Variants in IGF2BP3 observed in about 807,000 individuals in gnomAD.
IGF2BP3 encodes the protein insulin like growth factor 2 mRNA binding protein 3.
IGF2BP3 carries 9 observed loss-of-function variants against 73.8 expected under a neutral mutation model. The observed-to-expected ratio is 0.12, with a 90% confidence interval of 0.07 to 0.21. The LOEUF (loss-of-function observed/expected upper bound fraction) is 0.21, where lower values mean the gene tolerates loss of function less well. IGF2BP3 is among the 10% of genes least tolerant of loss of function. The probability of loss-of-function intolerance (pLI) is 1.00; values close to 1 mark genes in which losing one functional copy is unlikely to be tolerated. For missense variants in IGF2BP3, 542 were observed against 714.0 expected (o/e 0.76, Z 2.75); for synonymous variants, 258 against 256.7 (o/e 1.01, Z -0.05).
intron 2 of IGF2BP3, among the ~76,000 whole-genome samples, chr7:23,428,729 G>GAA (rs1191413300): frequency 7.0e-6 from 1 of 143,816 alleles, no homozygotes; most frequent in African/African-American, 2.6e-5. Context: ...TTTTTTAGGG[G>GAA]GAAAAAAAAA....
chr7:23,454,734 G>A (rs1788276604), intron 2 of IGF2BP3, among the ~76,000 whole-genome samples: 2 of 152,178 alleles, frequency 1.3e-5, no homozygotes, highest in African/African-American at 4.8e-5. Context: ...TTACCACTGT[G>A]CTGTACTGCT....
intron 3 of IGF2BP3, among the ~76,000 whole-genome samples, chr7:23,393,359 G>C (rs550175441): frequency 6.6e-6 from 1 of 152,286 alleles, no homozygotes; most frequent in South Asian, 2.1e-4. Flanking sequence ...AATCGTAACC[G>C]ATGATCATCT....
chr7:23,468,672 G>A, intron 1 of IGF2BP3, 130 bp from the exon 2 acceptor site: 1 of 868,724 alleles, frequency 1.2e-6, no homozygotes, highest in Non-Finnish European at 1.9e-6. Flanking sequence ...GCCCGGACGC[G>A]GCTCCAGGCG....
rs1230944532 is a variant in IGF2BP3, at chr7:23,468,393, G to C, written c.236+89C>G. The C allele has an allele frequency of 3.0e-6, 4 of 1,321,234 alleles. No individual in the cohort carries two copies. The Admixed American group carries it at 6.7e-5, about 22-fold the overall frequency. 81.8% of individuals were successfully genotyped at this position (1,321,234 alleles called of 1,614,324 possible). Reference sequence around the variant, plus strand: ...CACCACGCCACACGGCAGGGGGTAAGCACCAGAGGACAAGAAGTTCTCAGC... The same window carrying C: ...CACCACGCCACACGGCAGGGGGTAACCACCAGAGGACAAGAAGTTCTCAGC... On this transcript the variant is annotated intron_variant, in intron 2 of 14. Coordinates refer to ENST00000258729, the MANE Select transcript of IGF2BP3 (RefSeq NM_006547.3).
rs529875058 is a variant in IGF2BP3 at position 23,352,856 on chromosome 7, C to A, written c.402-1270G>T. Among the ~76,000 whole-genome samples, 4 of 152,098 alleles carry A rather than the reference C, an allele frequency of 2.6e-5. No homozygotes were observed. The South Asian group carries it at 8.3e-4, about 32-fold the overall frequency. On this transcript the variant is annotated intron_variant, in intron 5 of 14. Coordinates refer to ENST00000258729, the MANE Select transcript of IGF2BP3 (RefSeq NM_006547.3). ...ATACATGATATGTATTTTCTCATAT[C>A]TGGAAACTTTTAATTTATTGTAATA... is the stretch of plus-strand genomic sequence containing the variant.
At chr7:23,467,308 C>T (rs1788586824) in intron 2 of IGF2BP3, among the ~76,000 whole-genome samples, 1 of 152,250 alleles carries the variant, frequency 6.6e-6, no homozygotes, top group Non-Finnish European at 1.5e-5. Context: ...TATTTCTGCA[C>T]AGCACCAGAG....
chr7:23,356,246 G>A (rs922769716), intron 5 of IGF2BP3, among the ~76,000 whole-genome samples: 4 of 152,136 alleles, frequency 2.6e-5, no homozygotes, highest in Non-Finnish European at 5.9e-5. Context: ...TTAGATTCAT[G>A]GTCCCTTTCA....
intron 10 of IGF2BP3, among the ~76,000 whole-genome samples, chr7:23,320,861 G>A (rs1784118350): frequency 6.9e-6 from 1 of 145,710 alleles, no homozygotes; most frequent in African/African-American, 2.6e-5. Flanking sequence ...GAGATGGGAG[G>A]ATCACTTGAG....
intron 3 of IGF2BP3, among the ~76,000 whole-genome samples, chr7:23,375,460 C>A (rs547002925): frequency 6.6e-6 from 1 of 152,282 alleles, no homozygotes; most frequent in South Asian, 2.1e-4. Flanking sequence ...CCCTTCTAGG[C>A]TTTTCGCCGC....
At chr7:23,318,686 C>T (rs918371468) in intron 11 of IGF2BP3, among the ~76,000 whole-genome samples, 4 of 152,196 alleles carry the variant, frequency 2.6e-5, no homozygotes, top group Non-Finnish European at 4.4e-5. Flanking sequence ...CCTTCAACTT[C>T]GTCTGGCCAA....
At position 23,451,870 on chromosome 7, in the gene IGF2BP3, C is replaced by A. The variant is rs376391072; in HGVS notation, c.236+16612G>T. 4.3e-3 allele frequency among the ~76,000 whole-genome samples: 642 copies of A among 149,338 alleles called. 2 individuals carry two copies. Among genetic ancestry groups the A allele is most frequent in the African/African-American group, 0.015 (588 of 40,356 alleles). Reference sequence around the variant, plus strand: ...GGCTGAGGCAGGAGAATCACTTGAACACGGGAGGCAGAGGCTGCAGTGAGC... The same window carrying A: ...GGCTGAGGCAGGAGAATCACTTGAAAACGGGAGGCAGAGGCTGCAGTGAGC... On this transcript the variant is annotated intron_variant, in intron 2 of 14. Transcript: ENST00000258729.
intron 10 of IGF2BP3, among the ~76,000 whole-genome samples, chr7:23,333,807 A>G (rs1406908843): frequency 6.6e-6 from 1 of 152,254 alleles, no homozygotes; most frequent in Non-Finnish European, 1.5e-5. Context: ...GTTGGCAATC[A>G]TGTCTTGAAG....
At chr7:23,378,401 G>GTTTTTTTTTTT (rs373876363) in intron 3 of IGF2BP3, among the ~76,000 whole-genome samples, 2 of 128,064 alleles carry the variant, frequency 1.6e-5, no homozygotes, top group Non-Finnish European at 1.5e-5. Context: ...TCTCTTCTTG[G>GTTTTTTTTTTT]TTTTTTTTTG....
intron 3 of IGF2BP3, among the ~76,000 whole-genome samples, chr7:23,376,773 C>G (rs1785737099): frequency 6.6e-6 from 1 of 152,214 alleles, no homozygotes; most frequent in East Asian, 1.9e-4. Flanking sequence ...CAGGCTGAGG[C>G]AGGAGGTTGG....
chr7:23,446,228 C>G (rs566043584), intron 2 of IGF2BP3, among the ~76,000 whole-genome samples: 1 of 152,030 alleles, frequency 6.6e-6, no homozygotes, highest in Non-Finnish European at 1.5e-5. Flanking sequence ...TTAATATAAA[C>G]AAAGTAAATT....
intron 3 of IGF2BP3, among the ~76,000 whole-genome samples, chr7:23,393,848 G>T (rs1466850891): frequency 2.0e-5 from 3 of 152,166 alleles, no homozygotes; most frequent in African/African-American, 7.2e-5. Context: ...GTCTCTCCTT[G>T]AGAGTCCCTC....
intron 3 of IGF2BP3, among the ~76,000 whole-genome samples, chr7:23,382,094 A>G (rs1785929640): frequency 6.6e-6 from 1 of 152,054 alleles, no homozygotes; most frequent in South Asian, 2.1e-4. Flanking sequence ...TACAAAAAAT[A>G]AATTAGCCAG....
chr7:23,443,937 A>T (rs768124339), intron 2 of IGF2BP3, among the ~76,000 whole-genome samples: 3 of 152,144 alleles, frequency 2.0e-5, no homozygotes, highest in Non-Finnish European at 4.4e-5. Context: ...TGAACCCAGG[A>T]GGCGGAGGAT....
chr7:23,427,850 A>G (rs535216706), intron 2 of IGF2BP3, among the ~76,000 whole-genome samples: 3 of 151,960 alleles, frequency 2.0e-5, no homozygotes, highest in Non-Finnish European at 4.4e-5. Flanking sequence ...TACTAAAAAT[A>G]TAAAAAATTA....
Sources: gnomAD v4.1 joint callset for allele counts (sites outside exome capture counted in the v4.1 genomes callset) on GRCh38, gnomAD v4.1.1 for gene constraint, MANE v1.5 for transcripts, NCBI Gene and HGNC (gene_info 2026-07-23, HGNC 2026-07-21) for gene names.